POLR1C: variants seen among roughly 807,000 people sequenced by gnomAD.
POLR1C encodes the protein RNA polymerase I and III subunit C.
A neutral mutation model predicts 38.3 loss-of-function variants in POLR1C; 42 were observed. The observed-to-expected ratio is 1.10, with a 90% CI of 0.86 to 1.42. The LOEUF (loss-of-function observed/expected upper bound fraction) is 1.42. POLR1C is among the 40% of genes most tolerant of loss of function. The pLI, the probability that POLR1C is intolerant of heterozygous loss-of-function variation, is 0.00. For missense variants in POLR1C, 507 were observed against 450.5 expected (o/e 1.13, Z -1.14); for synonymous variants, 163 against 163.9 (o/e 0.99, Z 0.04).
chr6:43,518,975 G>A (rs1031360001), intron 2 of POLR1C, among the ~76,000 whole-genome samples: 2 of 152,122 alleles, frequency 1.3e-5, no homozygotes, highest in African/African-American at 2.4e-5. Flanking sequence ...TGACTGTGCC[G>A]GGCCAGGAGG....
At chr6:43,537,140 C>CTTTT (rs70990198) in intron 9 of POLR1C, among the ~76,000 whole-genome samples, 1 of 137,174 alleles carries the variant, frequency 7.3e-6, no homozygotes, top group Non-Finnish European at 1.6e-5. Context: ...ATAATTAAAA[C>CTTTT]TTTTTTTTTT....
At chr6:43,526,240 G>C (rs892771398), downstream of POLR1C, 2 of 412,428 alleles carry the variant, frequency 4.8e-6, no homozygotes, top group African/African-American at 4.0e-5. Flanking sequence ...AAAAGGTATA[G>C]GACAATAGGT....
At chr6:43,526,980 AGAGT>A in intron 8 of POLR1C, 1 of 521,110 alleles carries the variant, frequency 1.9e-6, no homozygotes, top group Non-Finnish European at 3.5e-6. Flanking sequence ...GAATTCTCTG[AGAGT>A]GAGTGACTAG....
chr6:43,525,649 T>G, downstream of POLR1C: 1 of 605,856 alleles, frequency 1.7e-6, no homozygotes, highest in South Asian at 2.2e-5. Flanking sequence ...AGCTCCTGCC[T>G]ATGCTGGTAT....
intron 9 of POLR1C, chr6:43,548,118 G>C (rs1217128902): frequency 1.2e-6 from 1 of 843,998 alleles, no homozygotes; most frequent in African/African-American, 1.7e-5. Flanking sequence ...AATTACAAAA[G>C]ACTGCTTTTA....
At chr6:43,558,782 G>A (rs1196489954) in intron 10 of POLR1C, 2 of 481,356 alleles carry the variant, frequency 4.2e-6, no homozygotes, top group African/African-American at 4.0e-5. Context: ...TTCCTCAGTG[G>A]TAGAAAAGAG....
intron 9 of POLR1C, among the ~76,000 whole-genome samples, chr6:43,536,063 G>A: frequency 6.6e-6 from 1 of 151,208 alleles, no homozygotes; most frequent in East Asian, 1.9e-4. Context: ...AGCCAAGATC[G>A]TGCCACTGCA....
At chr6:43,518,060 C>T (rs1342831606) in intron 2 of POLR1C, among the ~76,000 whole-genome samples, 1 of 151,588 alleles carries the variant, frequency 6.6e-6, no homozygotes. Context: ...AAGTGTGCTC[C>T]GGGCATGTCC....
intron 10 of POLR1C, chr6:43,553,232 T>G: frequency 9.4e-7 from 1 of 1,067,354 alleles, no homozygotes; most frequent in Non-Finnish European, 1.3e-6. Context: ...AGCCCAGGAG[T>G]TGGAGGTTAC....
At chr6:43,531,628 T>C (rs371114481), downstream of POLR1C, 132 of 1,471,046 alleles carry the variant, frequency 9.0e-5, no homozygotes, top group South Asian at 2.6e-4. Context: ...GGAGTCTCAA[T>C]TGGCCAACAC....
chr6:43,554,753 A>C (rs1427947286), intron 10 of POLR1C, among the ~76,000 whole-genome samples: 1 of 152,060 alleles, frequency 6.6e-6, no homozygotes, highest in Non-Finnish European at 1.5e-5. Flanking sequence ...TCTTGCTTAC[A>C]TACAGCGTAG....
At chr6:43,531,004 G>A (rs1369424801), downstream of POLR1C, among the ~76,000 whole-genome samples, 1 of 152,218 alleles carries the variant, frequency 6.6e-6, no homozygotes. Flanking sequence ...TGGTGGCCGA[G>A]ATCAGCAGTA....
Position 43,560,348 on chromosome 6 carries a change from T to C in POLR1C, c.*49-1052T>C, listed in dbSNP as rs377047719. On this transcript the variant is annotated intron_variant, in intron 10 of 10. Transcript: ENST00000607635. Reference sequence around the variant, plus strand: ...AAAACGTCAAAGGATTTGGATTCTATATAACCCAGATTATTACTTAGCAGT... The same window carrying C: ...AAAACGTCAAAGGATTTGGATTCTACATAACCCAGATTATTACTTAGCAGT... The C allele has an allele frequency of 8.4e-6, 13 of 1,547,784 alleles. No individual in the cohort carries two copies. In the African/African-American group the frequency reaches 1.7e-4, roughly 20 times the overall value.
chr6:43,560,397 A>T, intron 10 of POLR1C: 7 of 1,415,030 alleles, frequency 4.9e-6, no homozygotes, highest in Non-Finnish European at 6.5e-6. Context: ...TTTTCATAGA[A>T]ATAAATCTGT....
At chr6:43,520,583 C>T (rs746343275) in intron 6 of POLR1C, 42 bp from the exon 7 acceptor site, 2 of 1,613,430 alleles carry the variant, frequency 1.2e-6, no homozygotes, top group South Asian at 1.1e-5. Flanking sequence ...CTTCCTAACC[C>T]TAGAAGGGTT....
intron 9 of POLR1C, among the ~76,000 whole-genome samples, chr6:43,535,539 TTC>T (rs1223139143): frequency 3.3e-4 from 51 of 152,242 alleles, no homozygotes; most frequent in Admixed American, 3.3e-3. Context: ...CCATAGTTTG[TTC>T]TGTTTGTTCT....
At chr6:43,519,907 TA>T in intron 4 of POLR1C, 69 bp downstream of exon 4, 1 of 1,562,468 alleles carries the variant, frequency 6.4e-7, no homozygotes, top group Non-Finnish European at 8.7e-7. Flanking sequence ...TGATGTTGGG[TA>T]AGTTACTTAT....
chr6:43,527,004 C>T (rs1377571397), intron 8 of POLR1C: 2 of 473,780 alleles, frequency 4.2e-6, no homozygotes, highest in Admixed American at 3.3e-5. Flanking sequence ...GGAAAGGATG[C>T]TTGATACATC....
At chr6:43,524,100 C>T, downstream of POLR1C, 1 of 1,512,410 alleles carries the variant, frequency 6.6e-7, no homozygotes, top group South Asian at 1.2e-5. Context: ...CCTGTAATCC[C>T]AACACTTTTG....
Sources: gnomAD v4.1 joint callset for allele counts (sites outside exome capture counted in the v4.1 genomes callset) on GRCh38, gnomAD v4.1.1 for gene constraint, MANE v1.5 for transcripts, NCBI Gene and HGNC (gene_info 2026-07-23, HGNC 2026-07-21) for gene names.